Variants in VGLL4 observed in about 807,000 individuals in gnomAD.
VGLL4 encodes transcription cofactor vestigial-like protein 4.
Under a neutral mutation model 21.0 loss-of-function variants are expected in VGLL4, and 7 were observed. That is an observed-to-expected ratio of 0.33 (90% CI 0.19 to 0.63). The LOEUF is 0.63. Among genes scored for constraint, VGLL4 ranks in the 20% least tolerant of loss-of-function variants. The pLI is 0.78. For missense variants in VGLL4, 394 were observed against 425.7 expected (o/e 0.93, Z 0.66); for synonymous variants, 222 against 173.2 (o/e 1.28, Z -2.21).
At chr3:11,720,956 T>C (rs1217882090), upstream of VGLL4, among the ~76,000 whole-genome samples, 1 of 152,206 alleles carries the variant, frequency 6.6e-6, no homozygotes, top group Non-Finnish European at 1.5e-5. Context: ...TGCCCTGTTG[T>C]TTTCTTGTAC....
rs369103024 is a variant in VGLL4 at position 11,643,230 on chromosome 3, T to C, written c.82+207A>G. Among the ~76,000 whole-genome samples the C allele has an allele frequency of 1.9e-4, 29 of 152,338 alleles. No homozygotes were observed. The South Asian group carries it at 5.8e-3, about 30-fold the overall frequency. On this transcript the variant is annotated intron_variant, in intron 1 of 4. Coordinates refer to ENST00000430365, the MANE Select transcript of VGLL4 (RefSeq NM_001128219.3). ...AAACTTTGAAGGGTTTCTACTTCAC[T>C]GCCTCCCCGTCCAGCCCCCTCCACC...
chr3:11,702,987 A>G, exon 2 of VGLL4: 3 of 1,612,734 alleles, frequency 1.9e-6, no homozygotes, highest in Non-Finnish European at 2.5e-6. Flanking sequence ...CGTCATCAGC[A>G]TGCACCAGAG....
chr3:11,559,834 A>G (rs1169875838), intron 3 of VGLL4, among the ~76,000 whole-genome samples: 1 of 152,118 alleles, frequency 6.6e-6, no homozygotes, highest in Non-Finnish European at 1.5e-5. Flanking sequence ...CCTTCCCATC[A>G]TGTCCACTGA....
intron 2 of VGLL4, among the ~76,000 whole-genome samples, chr3:11,664,796 T>G (rs1218151340): frequency 6.6e-6 from 1 of 152,210 alleles, no homozygotes; most frequent in African/African-American, 2.4e-5. Flanking sequence ...AAAACATGTT[T>G]TATAGATCTT....
intron 2 of VGLL4, among the ~76,000 whole-genome samples, chr3:11,599,968 A>G (rs2074751562): frequency 6.6e-6 from 1 of 152,234 alleles, no homozygotes; most frequent in Non-Finnish European, 1.5e-5. Context: ...GATGAAAGAT[A>G]AAGAAAGTGG....
intron 2 of VGLL4, among the ~76,000 whole-genome samples, chr3:11,700,766 A>T (rs1249793667): frequency 6.6e-6 from 1 of 152,162 alleles, no homozygotes; most frequent in Non-Finnish European, 1.5e-5. Flanking sequence ...AGAAAGTCAT[A>T]TTTCTTGCAA....
rs555155859 is a variant in VGLL4, at chr3:11,707,427, G to C, written c.-13-4380C>G. 6.6e-4 allele frequency among the ~76,000 whole-genome samples: 100 copies of C among 150,958 alleles called. 1 individual carries two copies. Among genetic ancestry groups the C allele is most frequent in the Middle Eastern group, 3.4e-3 (1 of 292 alleles). ...AAGTTACTGGAGGTGGATGAGTTAAGAGGCTTCTGTAGGAAGCAGGTGCAA... is the reference window on the plus strand; with the variant it reads ...AAGTTACTGGAGGTGGATGAGTTAACAGGCTTCTGTAGGAAGCAGGTGCAA... On this transcript the variant is annotated intron_variant, in intron 1 of 5. Transcript: ENST00000273038.
intron 2 of VGLL4, among the ~76,000 whole-genome samples, chr3:11,580,994 T>C (rs946709008): frequency 1.3e-5 from 2 of 152,132 alleles, no homozygotes; most frequent in African/African-American, 4.8e-5. Context: ...TTGTATAACA[T>C]TGGTGTACAG....
intron 2 of VGLL4, among the ~76,000 whole-genome samples, chr3:11,672,129 A>G (rs1439435558): frequency 6.6e-6 from 1 of 152,220 alleles, no homozygotes; most frequent in Non-Finnish European, 1.5e-5. Flanking sequence ...AACCAACAAG[A>G]AATTTTGTAC....
At chr3:11,622,577 G>C (rs751982395) in intron 1 of VGLL4, among the ~76,000 whole-genome samples, 9 of 152,232 alleles carry the variant, frequency 5.9e-5, no homozygotes, top group Non-Finnish European at 8.8e-5. Context: ...ATGGGGACTA[G>C]AGTAATGAAG....
chr3:11,614,820 T>C (rs558091337), intron 1 of VGLL4, among the ~76,000 whole-genome samples: 70 of 152,108 alleles, frequency 4.6e-4, no homozygotes, highest in Non-Finnish European at 5.6e-4. Flanking sequence ...GTAAAGCGAG[T>C]AACTTAAAGT....
chr3:11,710,285 A>G (rs2076823759), intron 1 of VGLL4, among the ~76,000 whole-genome samples: 1 of 152,188 alleles, frequency 6.6e-6, no homozygotes, highest in Admixed American at 6.5e-5. Context: ...ACTGTGGGGT[A>G]TATTAGATTA....
intron 3 of VGLL4, among the ~76,000 whole-genome samples, chr3:11,562,306 G>A (rs1195887329): frequency 6.6e-6 from 1 of 152,112 alleles, no homozygotes; most frequent in Non-Finnish European, 1.5e-5. Context: ...ATGAAATGGG[G>A]GGACACTTTC....
chr3:11,568,322 A>G lies in VGLL4; in HGVS notation c.273-3303T>C, dbSNP rs2073627364. Among the ~76,000 whole-genome samples the G allele has an allele frequency of 6.6e-6, 1 of 152,192 alleles. No homozygotes were observed. The highest frequency in any genetic ancestry group is 6.5e-5 in the Admixed American group (1 of 15,284). ...GAAATCCAAGCATGACTATGAGACC[A>G]CATCACAGAGGAAAGGGGTGCCAGG... On this transcript the variant is annotated intron_variant, in intron 2 of 4. Transcript: ENST00000430365. This position sits in a 1 kb window ranked among gnomAD's most constrained non-coding sequence, Gnocchi z 5.9.
intron 1 of VGLL4, among the ~76,000 whole-genome samples, chr3:11,643,006 C>T (rs1477041040): frequency 6.6e-6 from 1 of 152,200 alleles, no homozygotes; most frequent in Non-Finnish European, 1.5e-5. Context: ...GGCTCCCCCT[C>T]CGTGAGCTGC....
intron 2 of VGLL4, 144 bp downstream of exon 2, chr3:11,601,688 GA>G (rs1575439101): frequency 1.9e-6 from 2 of 1,052,872 alleles, no homozygotes; most frequent in East Asian, 5.5e-5. Flanking sequence ...CTTTTTGGCA[GA>G]TGAATACTAT....
rs187101498 is a variant in VGLL4 at position 11,686,658 on chromosome 3, T to C, written c.64+16313A>G. Among the ~76,000 whole-genome samples, 85 of 152,378 alleles carry C rather than the reference T, an allele frequency of 5.6e-4. 1 individual carries two copies. In the East Asian group the frequency reaches 0.014, roughly 26 times the overall value. ...AAAATGGTTAAGATGGTAAATTTCA[T>C]GTTATGTGTATTTCATCACAATAAA... On this transcript the variant is annotated intron_variant, in intron 2 of 5. Transcript: ENST00000273038.
At chr3:11,651,658 C>A (rs1575496168) in intron 2 of VGLL4, among the ~76,000 whole-genome samples, 2 of 152,018 alleles carry the variant, frequency 1.3e-5, no homozygotes, top group Admixed American at 1.3e-4. Flanking sequence ...AGGTCAACAA[C>A]TAAGCTGCTG....
At chr3:11,584,266 A>T (rs1380014508) in intron 2 of VGLL4, among the ~76,000 whole-genome samples, 2 of 152,242 alleles carry the variant, frequency 1.3e-5, no homozygotes, top group East Asian at 3.8e-4. Context: ...AAACAACATC[A>T]TGGTCACAGA....
Sources: gnomAD v4.1 joint callset for allele counts (sites outside exome capture counted in the v4.1 genomes callset) on GRCh38, gnomAD v4.1.1 for gene constraint, Gnocchi (gnomAD v3.1) non-coding constraint, MANE v1.5 for transcripts, NCBI Gene and HGNC (gene_info 2026-07-23, HGNC 2026-07-21) for gene names.